The following MICOS10 variants were observed in gnomAD, a reference collection of about 807,000 sequenced individuals.
MICOS10 encodes MICOS complex subunit MIC10.
Under a neutral mutation model 13.4 loss-of-function variants are expected in MICOS10, and 5 were observed. That is an observed-to-expected ratio of 0.37 (90% confidence interval 0.20 to 0.78). MICOS10 has a LOEUF of 0.78. Among genes scored for constraint, MICOS10 ranks in the 30% least tolerant of loss-of-function variants. The probability of loss-of-function intolerance (pLI) is 0.47; values close to 1 mark genes in which losing one functional copy is unlikely to be tolerated. For synonymous variants in MICOS10, 35 were observed against 33.6 expected (o/e 1.04, Z -0.15); for missense variants, 101 against 94.6 (o/e 1.07, Z -0.28).
In MICOS10 at chr1:19,623,482, T is replaced by C; in HGVS notation, c.121T>C (p.Trp41Arg). The C allele has an allele frequency of 6.2e-7, 1 of 1,608,304 alleles. No individual in the cohort carries two copies. The highest frequency in any genetic ancestry group is 8.5e-7 in the Non-Finnish European group (1 of 1,176,702). The change falls in exon 3 of 4, where the codon TGG (tryptophan) becomes CGG (arginine). Residue 41 changes from tryptophan (W) to arginine (R), a missense_variant. By Grantham distance (101) the Trp-to-Arg change is moderately radical. Transcript: ENST00000322753. ...FSLTFFKRRM[W>R]PLAFGSGMGL... Reference sequence around the variant, plus strand: ...CCTTTTTTGCTCACTAGGAAGAATGTGGCCATTAGCCTTCGGTTCTGGCAT... The same window carrying C: ...CCTTTTTTGCTCACTAGGAAGAATGCGGCCATTAGCCTTCGGTTCTGGCAT...
chr1:19,611,632 C>G (rs1188741174), intron 1 of MICOS10, among the ~76,000 whole-genome samples: 1 of 151,752 alleles, frequency 6.6e-6, no homozygotes, highest in African/African-American at 2.4e-5. Context: ...GCCACCATAC[C>G]TGGTCTCAAC....
intron 1 of MICOS10, chr1:19,608,515 C>T (rs1191646390): frequency 1.8e-6 from 2 of 1,091,358 alleles, no homozygotes; most frequent in Admixed American, 1.7e-5. Context: ...ACGTCACCCC[C>T]ATCCCCTCTG....
intron 3 of MICOS10, chr1:19,625,397 G>A: frequency 7.8e-7 from 1 of 1,289,094 alleles, no homozygotes. Flanking sequence ...TTTAGAACCT[G>A]CTGAAACCGT....
chr1:19,625,349 A>G (rs953604406), intron 3 of MICOS10: 2 of 1,278,984 alleles, frequency 1.6e-6, no homozygotes, highest in Non-Finnish European at 2.0e-6. Context: ...CACCAAATCC[A>G]AAGTAGCAGT....
intron 1 of MICOS10, among the ~76,000 whole-genome samples, chr1:19,618,514 A>C (rs1349442832): frequency 1.3e-5 from 2 of 152,132 alleles, no homozygotes; most frequent in African/African-American, 4.8e-5. Context: ...TCCATGTCAG[A>C]CACTATTAGA....
At chr1:19,597,147 A>G (rs372064499) in intron 1 of MICOS10, 38 bp downstream of exon 1, 17 of 1,582,566 alleles carry the variant, frequency 1.1e-5, no homozygotes, top group Admixed American at 3.5e-5. Flanking sequence ...CGGCCGGTGC[A>G]GAGCTGCTGG....
chr1:19,607,402 C>T (rs1366408213), intron 1 of MICOS10, among the ~76,000 whole-genome samples: 3 of 152,122 alleles, frequency 2.0e-5, no homozygotes, highest in African/African-American at 7.2e-5. Context: ...TGCTGAATTG[C>T]TTTCTTTGGC....
chr1:19,601,744 A>C (rs2094816101), intron 1 of MICOS10, among the ~76,000 whole-genome samples: 1 of 152,186 alleles, frequency 6.6e-6, no homozygotes, highest in Admixed American at 6.5e-5. Flanking sequence ...ATCTAAAAAC[A>C]ATAGCAAAAA....
chr1:19,600,830 G>A, intron 1 of MICOS10: 1 of 1,185,232 alleles, frequency 8.4e-7, no homozygotes. Flanking sequence ...TTGAACTCAG[G>A]GTCCAAACGA....
intron 1 of MICOS10, among the ~76,000 whole-genome samples, chr1:19,611,330 A>C (rs977993636): frequency 6.6e-6 from 1 of 152,112 alleles, no homozygotes; most frequent in African/African-American, 2.4e-5. Flanking sequence ...TAAATATCCT[A>C]TTCTGATTAG....
chr1:19,608,941 C>A (rs1229381468), intron 1 of MICOS10, among the ~76,000 whole-genome samples: 1 of 151,230 alleles, frequency 6.6e-6, no homozygotes, highest in African/African-American at 2.4e-5. Flanking sequence ...AGCAATCCTC[C>A]TGCCCCAGTG....
At chr1:19,607,900 A>T (rs2094841373) in intron 1 of MICOS10, among the ~76,000 whole-genome samples, 1 of 152,234 alleles carries the variant, frequency 6.6e-6, no homozygotes, top group Non-Finnish European at 1.5e-5. Flanking sequence ...AAAGTCCAGA[A>T]ATAGACCCAT....
rs1419407444 is a variant in MICOS10 at position 19,608,027 on chromosome 1, A to G, written c.64+10918A>G. On this transcript the variant is annotated intron_variant, in intron 1 of 3. Coordinates refer to ENST00000322753, the MANE Select transcript of MICOS10 (RefSeq NM_001032363.4). Reference sequence around the variant, plus strand: ...ATAGAGAAAAAAATGAGCCTCGCTTAAAAGGGTCGTAGACCTAAATATAAA... The same window carrying G: ...ATAGAGAAAAAAATGAGCCTCGCTTGAAAGGGTCGTAGACCTAAATATAAA... 3 of 671,876 alleles carry G rather than the reference A, an allele frequency of 4.5e-6. No homozygotes were observed. The African/African-American group carries it at 5.4e-5, about 12-fold the overall frequency. The allele number at this position is 671,876 out of a possible 1,614,324, so 41.6% of individuals were successfully genotyped here. A position where few individuals can be genotyped will look rare whatever the true frequency, so the allele number is the denominator to read the frequency against.
chr1:19,615,193 C>T (rs2094878987), intron 1 of MICOS10, among the ~76,000 whole-genome samples: 2 of 152,242 alleles, frequency 1.3e-5, no homozygotes, highest in Admixed American at 1.3e-4. Context: ...AAGAGACTGT[C>T]TTATTTCTCT....
chr1:19,611,442 C>T (rs1275580920), intron 1 of MICOS10, among the ~76,000 whole-genome samples: 3 of 138,024 alleles, frequency 2.2e-5, no homozygotes, highest in Non-Finnish European at 3.1e-5. Context: ...AAGAACTTAT[C>T]TTTCTCTTTA....
chr1:19,598,623 AAAGGAG>A (rs2094801964), intron 1 of MICOS10, among the ~76,000 whole-genome samples: 1 of 150,532 alleles, frequency 6.6e-6, no homozygotes, highest in African/African-American at 2.4e-5. Flanking sequence ...AAAAAAAAAA[AAAGGAG>A]AAGAAGAAGA....
chr1:19,608,312 G>A, intron 1 of MICOS10: 2 of 1,328,560 alleles, frequency 1.5e-6, no homozygotes, highest in Non-Finnish European at 2.2e-6. Context: ...GGCAGACCGA[G>A]ATGAATCCTC....
At position 19,597,011 on chromosome 1, in the gene MICOS10, G is replaced by C; in HGVS notation, c.-35G>C. The C allele has an allele frequency of 6.4e-7, 1 of 1,568,606 alleles. No individual in the cohort carries two copies. Among genetic ancestry groups the C allele is most frequent in the Non-Finnish European group, 8.6e-7 (1 of 1,160,962 alleles). The stretch of plus-strand genomic sequence containing the variant: ...TTTCAGGGGTCGGAGCGCGGGGGCC[G>C]GCCGAGAGGAAAGCTGGAGGCGCGG... On this transcript the variant is annotated 5_prime_UTR_variant, in exon 1 of 4. Transcript: ENST00000322753.
chr1:19,602,448 A>G (rs2094818885), intron 1 of MICOS10, among the ~76,000 whole-genome samples: 1 of 152,224 alleles, frequency 6.6e-6, no homozygotes, highest in African/African-American at 2.4e-5. Context: ...ATAAAGTAGT[A>G]TTAAAAATGT....
Sources: gnomAD v4.1 joint callset for allele counts (sites outside exome capture counted in the v4.1 genomes callset) on GRCh38, gnomAD v4.1.1 for gene constraint, MANE v1.5 for transcripts, NCBI Gene and HGNC (gene_info 2026-07-23, HGNC 2026-07-21) for gene names.